The following SLC25A27 variants were observed in gnomAD, a reference collection of about 807,000 sequenced individuals.
SLC25A27 encodes the protein solute carrier family 25 member 27, also known as mitochondrial uncoupling protein 4.
In SLC25A27, 35 loss-of-function variants were observed where a neutral mutation model predicts 49.1. That is an observed-to-expected ratio of 0.71 (90% CI 0.54 to 0.95). The LOEUF (loss-of-function observed/expected upper bound fraction) is 0.95. SLC25A27 is among the 40% of genes least tolerant of loss of function. SLC25A27 has a pLI of 0.00. For missense variants in SLC25A27, 339 were observed against 397.1 expected, an observed-to-expected ratio of 0.85 and a Z score of 1.24; for synonymous variants, 144 against 136.9, an observed-to-expected ratio of 1.05 and a Z score of -0.36.
chr6:46,662,990 C>T (rs759606871), intron 4 of SLC25A27, among the ~76,000 whole-genome samples: 15 of 152,282 alleles, frequency 9.9e-5, no homozygotes, highest in Non-Finnish European at 1.6e-4. Flanking sequence ...GCAAGGATAA[C>T]GTTGCATATT....
chr6:46,676,334 T>C (rs754261453), intron 8 of SLC25A27, 49 bp from the exon 9 acceptor site: 5 of 1,560,722 alleles, frequency 3.2e-6, no homozygotes, highest in Non-Finnish European at 4.4e-6. Flanking sequence ...ATGTAGACTA[T>C]TTATAATTGC....
In SLC25A27 at chr6:46,659,006, G is replaced by T. The variant is rs1276468850; in HGVS notation, c.343G>T (p.Val115Phe). The change falls in exon 3 of 9, where the codon GTT becomes TTT. Residue 115 changes from valine to phenylalanine, a missense_variant. Transcript: ENST00000371347. ...GGTCACATATGAACATCTCCGAGAG[G>T]TTGTGTTTGGCAAAAGTGAAGATGA... Reference protein sequence around the residue: ...RMVTYEHLREVVFGKSEDEHY... With the variant: ...RMVTYEHLREFVFGKSEDEHY... 8 of 1,613,454 alleles carry T rather than the reference G, an allele frequency of 5.0e-6. No individual in the cohort carries two copies. Among genetic ancestry groups the T allele is most frequent in the Middle Eastern group, 1.6e-4 (1 of 6,084 alleles).
At chr6:46,660,782 T>C (rs918925238) in intron 3 of SLC25A27, among the ~76,000 whole-genome samples, 5 of 152,196 alleles carry the variant, frequency 3.3e-5, no homozygotes, top group African/African-American at 9.6e-5. Context: ...CTTTATCTTG[T>C]TTTTGAAAAA....
At chr6:46,657,197 C>G (rs1375674108) in intron 2 of SLC25A27, among the ~76,000 whole-genome samples, 1 of 152,148 alleles carries the variant, frequency 6.6e-6, no homozygotes, top group East Asian at 1.9e-4. Flanking sequence ...GGTGCTGTGG[C>G]TCACACCTAT....
Position 46,655,535 on chromosome 6 carries a change from G to GTTTTTTTTTTTTTTTTTTTTTTTTTTTT in SLC25A27, c.107-297_107-270dup, listed in dbSNP as rs773585919. On this transcript the variant is annotated intron_variant, in intron 1 of 8. Transcript: ENST00000371347. ...ATTTTAATTTTTATTGTTAATGTTT[G>GTTTTTTTTTTTTTTTTTTTTTTTTTTTT]TTTTTTTTTTTTTTTTTTTTTTTTT... Among the ~76,000 whole-genome samples, 8 of 10,742 alleles carry GTTTTTTTTTTTTTTTTTTTTTTTTTTTT rather than the reference G, an allele frequency of 7.4e-4. 1 individual carries two copies. Among genetic ancestry groups the GTTTTTTTTTTTTTTTTTTTTTTTTTTTT allele is most frequent in the Non-Finnish European group, 1.6e-3 (8 of 4,954 alleles). The allele number at this position is 10,742 out of a possible 152,430, so 7.0% of individuals were successfully genotyped here. A position where few individuals can be genotyped will look rare whatever the true frequency, so the allele number is the denominator to read the frequency against.
In SLC25A27 at chr6:46,653,191, G is replaced by C; in HGVS notation, c.-2G>C. ...TGCGTTATCGTCTTGCGCTACTGCTGAATGTCCGTCCCGGAGGAGGAGGAG... is the reference window on the plus strand; with the variant it reads ...TGCGTTATCGTCTTGCGCTACTGCTCAATGTCCGTCCCGGAGGAGGAGGAG... On this transcript the variant is annotated 5_prime_UTR_variant, in exon 1 of 9. Transcript: ENST00000371347. The C allele has an allele frequency of 1.2e-6, 2 of 1,612,914 alleles. No homozygotes were observed. Among genetic ancestry groups the C allele is most frequent in the Non-Finnish European group, 1.7e-6 (2 of 1,179,384 alleles).
At chr6:46,676,257 C>G (rs750313386) in intron 8 of SLC25A27, 126 bp from the exon 9 acceptor site, 2 of 772,716 alleles carry the variant, frequency 2.6e-6, no homozygotes, top group Non-Finnish European at 4.0e-6. Flanking sequence ...GGTGAAATAC[C>G]AAAATATTTG....
chr6:46,669,671 G>A (rs771991984), intron 6 of SLC25A27, among the ~76,000 whole-genome samples: 3 of 152,100 alleles, frequency 2.0e-5, no homozygotes, highest in African/African-American at 4.8e-5. Flanking sequence ...CTATCTTCTT[G>A]TAACATTCTT....
chr6:46,659,148 T>C, intron 3 of SLC25A27, 102 bp downstream of exon 3: 1 of 747,626 alleles, frequency 1.3e-6, no homozygotes, highest in South Asian at 1.7e-5. Flanking sequence ...CCTTAAGTTA[T>C]GGACTTAAAA....
At chr6:46,671,437 T>TA (rs1171008712) in intron 8 of SLC25A27, among the ~76,000 whole-genome samples, 1 of 152,170 alleles carries the variant, frequency 6.6e-6, no homozygotes, top group Non-Finnish European at 1.5e-5. Flanking sequence ...TAAAATAAGT[T>TA]ACATCCATTG....
chr6:46,672,535 T>C (rs544401449), intron 8 of SLC25A27, among the ~76,000 whole-genome samples: 1 of 151,726 alleles, frequency 6.6e-6, no homozygotes, highest in African/African-American at 2.4e-5. Context: ...GTTTAGGAGG[T>C]AGAAAGGGAA....
In SLC25A27 at chr6:46,671,158, T is replaced by C. The variant is rs1418516819; in HGVS notation, c.830T>C (p.Leu277Ser). The C allele has an allele frequency of 1.2e-6, 2 of 1,601,358 alleles. No homozygotes were observed. Among genetic ancestry groups the C allele is most frequent in the Non-Finnish European group, 1.7e-6 (2 of 1,175,130 alleles). Residue 277 changes from leucine (L) to serine (S), a missense_variant, in exon 8 of 9, where the codon TTG (leucine) becomes TCG (serine). By Grantham distance (145) the Leu-to-Ser change is moderately radical. Coordinates refer to ENST00000371347, the MANE Select transcript of SLC25A27 (RefSeq NM_004277.5). ...GLLYKSSTDC[L>S]IQAVQGEGFM... ...TTGTATAAATCATCGACTGACTGCT[T>C]GATTCAGGCTGTTCAAGGTGAAGGA...
At chr6:46,673,578 A>G (rs1171123266) in intron 8 of SLC25A27, among the ~76,000 whole-genome samples, 1 of 152,210 alleles carries the variant, frequency 6.6e-6, no homozygotes, top group African/African-American at 2.4e-5. Context: ...GTCAAGAGAA[A>G]TATAAAGGTG....
chr6:46,655,531 G>GTTTTTTTTTTTTTTTTTTTTTTTTTT (rs1283936753), intron 1 of SLC25A27, among the ~76,000 whole-genome samples: 1 of 98,546 alleles, frequency 1.0e-5, no homozygotes, highest in African/African-American at 3.7e-5. Flanking sequence ...TATTGTTAAT[G>GTTTTTTTTTTTTTTTTTTTTTTTTTT]TTTGTTTTTT....
intron 8 of SLC25A27, among the ~76,000 whole-genome samples, chr6:46,675,919 C>T (rs952804959): frequency 6.6e-6 from 1 of 152,128 alleles, no homozygotes; most frequent in Admixed American, 6.6e-5. Flanking sequence ...AATCTTTCAC[C>T]TTCCTCACTT....
chr6:46,656,083 G>C (rs1243577993), intron 2 of SLC25A27, 49 bp downstream of exon 2: 6 of 1,485,088 alleles, frequency 4.0e-6, no homozygotes, highest in Non-Finnish European at 5.5e-6. Context: ...TTCTGTGTTT[G>C]TCTCCTGTGC....
At chr6:46,666,820 C>G (rs185453238) in intron 5 of SLC25A27, among the ~76,000 whole-genome samples, 1 of 152,078 alleles carries the variant, frequency 6.6e-6, no homozygotes, top group East Asian at 1.9e-4. Context: ...TATCACCACT[C>G]TCTCAGCTGT....
intron 1 of SLC25A27, chr6:46,653,852 G>A (rs1047368): frequency 1.0e-6 from 1 of 985,252 alleles, no homozygotes; most frequent in Non-Finnish European, 1.2e-6. Context: ...CTAAACCCAA[G>A]GCAGGACACC....
chr6:46,671,076 T>G, intron 7 of SLC25A27, 50 bp from the exon 8 acceptor site: 1 of 1,203,352 alleles, frequency 8.3e-7, no homozygotes, highest in East Asian at 2.4e-5. Flanking sequence ...TATGTACATA[T>G]ATATTTTTTT....
Sources: allele counts gnomAD v4.1 joint callset (sites outside exome capture counted in the v4.1 genomes callset), GRCh38; gene constraint gnomAD v4.1.1; transcripts MANE v1.5; gene names NCBI Gene and HGNC (gene_info 2026-07-23, HGNC 2026-07-21).